Variants in EYS observed in about 807,000 individuals in gnomAD.
EYS encodes the protein EGF-like photoreceptor maintenance factor, also known as protein eyes shut homolog.
EYS carries 250 observed loss-of-function variants against 282.1 expected under a neutral mutation model. That is an observed-to-expected ratio of 0.89 (90% confidence interval 0.80 to 0.98). The LOEUF is 0.98. Ranked by LOEUF, EYS falls within the 50% of genes least tolerant of loss-of-function variation. EYS has a pLI of 0.00. For synonymous variants in EYS, 1,355 were observed against 1,282.9 expected (o/e 1.06, Z -1.20); for missense variants, 4,016 against 3,709.0 (o/e 1.08, Z -2.15).
At chr6:64,353,086 C>A (rs189031137) in intron 29 of EYS, among the ~76,000 whole-genome samples, 30 of 151,590 alleles carry the variant, frequency 2.0e-4, no homozygotes, top group African/African-American at 7.2e-4. Context: ...CCCCTACACA[C>A]ACAAAATAAT....
intron 2 of EYS, among the ~76,000 whole-genome samples, chr6:65,607,232 T>C (rs905372964): frequency 6.6e-6 from 1 of 151,818 alleles, no homozygotes; most frequent in Non-Finnish European, 1.5e-5. Context: ...TCACCCTGGA[T>C]CACATTTTTA....
chr6:64,017,787 G>A (rs776449888), intron 33 of EYS, among the ~76,000 whole-genome samples: 5 of 152,282 alleles, frequency 3.3e-5, no homozygotes, highest in Admixed American at 6.5e-5. Context: ...CAATATGCTC[G>A]TAATGATAGA....
intron 12 of EYS, among the ~76,000 whole-genome samples, chr6:65,271,398 T>G (rs1355903446): frequency 6.6e-6 from 1 of 151,530 alleles, no homozygotes; most frequent in African/African-American, 2.4e-5. Flanking sequence ...TCCAACTTTT[T>G]ATTCTATTCA....
intron 35 of EYS, among the ~76,000 whole-genome samples, chr6:63,955,193 T>C (rs1582026285): frequency 6.6e-6 from 1 of 152,148 alleles, no homozygotes; most frequent in South Asian, 2.1e-4. Context: ...CCTTCCCACC[T>C]CTATACACTC....
chr6:65,241,034 A>T (rs1004095905), intron 12 of EYS, among the ~76,000 whole-genome samples: 2 of 152,104 alleles, frequency 1.3e-5, no homozygotes, highest in South Asian at 2.1e-4. Flanking sequence ...ATATTTTTCT[A>T]ATTATTTCAT....
intron 22 of EYS, among the ~76,000 whole-genome samples, chr6:64,809,858 T>C (rs1446288565): frequency 6.6e-6 from 1 of 152,110 alleles, no homozygotes; most frequent in Non-Finnish European, 1.5e-5. Flanking sequence ...GAACCTCTTA[T>C]TGGGTGCTGT....
rs1774399134 is a variant in EYS, at chr6:64,143,315, G to T, written c.6425-61313C>A. 2.2e-5 allele frequency among the ~76,000 whole-genome samples: 3 copies of T among 137,690 alleles called. No homozygotes were observed. The Admixed American group carries it at 2.3e-4, about 11-fold the overall frequency. The allele number at this position is 137,690 out of a possible 152,430, so 90.3% of individuals were successfully genotyped here. A position where few individuals can be genotyped will look rare whatever the true frequency, so the allele number is the denominator to read the frequency against. ...AAGAGTAAGCACTAACATGGACTAT[G>T]GACTTTGGGTGATGATGTGTAAATG... On this transcript the variant is annotated intron_variant, in intron 31 of 42. Transcript: ENST00000503581.
intron 18 of EYS, among the ~76,000 whole-genome samples, chr6:64,887,519 T>C (rs956435554): frequency 3.7e-4 from 57 of 152,212 alleles, no homozygotes; most frequent in Middle Eastern, 3.4e-3. Context: ...TATCTCTTCA[T>C]AGTTTTTCCT....
intron 36 of EYS, among the ~76,000 whole-genome samples, chr6:63,854,884 A>C (rs1310627856): frequency 1.3e-5 from 2 of 152,204 alleles, no homozygotes; most frequent in African/African-American, 4.8e-5. Context: ...TTATTTACTT[A>C]AAATTCTATA....
intron 31 of EYS, among the ~76,000 whole-genome samples, chr6:64,165,963 C>G (rs74350340): frequency 0.026 from 3,908 of 152,232 alleles, 157 homozygotes; most frequent in African/African-American, 0.089. Context: ...TAAGATCTTT[C>G]CTCCTCCATT....
At chr6:65,374,516 C>T (rs185592135) in intron 8 of EYS, among the ~76,000 whole-genome samples, 78 of 81,744 alleles carry the variant, frequency 9.5e-4, no homozygotes, top group African/African-American at 2.4e-3. Context: ...TTTTTTTTTT[C>T]GTACCCCACT....
chr6:63,729,549 A>T, intron 41 of EYS, among the ~76,000 whole-genome samples: 1 of 147,188 alleles, frequency 6.8e-6, no homozygotes, highest in East Asian at 2.0e-4. Flanking sequence ...TTGCATGTGG[A>T]TGTCCATTTC....
At chr6:64,665,771 T>C (rs1362770943) in intron 22 of EYS, among the ~76,000 whole-genome samples, 1 of 152,212 alleles carries the variant, frequency 6.6e-6, no homozygotes. Flanking sequence ...GAGAAAGCTA[T>C]GCTCTTACTG....
At chr6:65,612,415 T>G (rs189729747) in intron 2 of EYS, among the ~76,000 whole-genome samples, 1 of 151,706 alleles carries the variant, frequency 6.6e-6, no homozygotes, top group African/African-American at 2.4e-5. Flanking sequence ...AAATTTACCA[T>G]GAACTGATTA....
chr6:65,246,992 T>C (rs1767196673), intron 12 of EYS, among the ~76,000 whole-genome samples: 1 of 152,054 alleles, frequency 6.6e-6, no homozygotes, highest in African/African-American at 2.4e-5. Context: ...GTTCTCTCAA[T>C]GCCAGGTCTC....
chr6:64,766,743 A>C (rs1417145563), intron 22 of EYS, among the ~76,000 whole-genome samples: 1 of 143,076 alleles, frequency 7.0e-6, no homozygotes, highest in African/African-American at 2.6e-5. Flanking sequence ...AGATGATTTC[A>C]CAGACAAACT....
At position 65,430,946 on chromosome 6, in the gene EYS, G is replaced by A. The variant is rs537156243; in HGVS notation, c.863-25579C>T. On this transcript the variant is annotated intron_variant, in intron 5 of 42. Transcript: ENST00000503581. ...ACTTGCTGTCCTCAGGTGAGATGCA[G>A]CACATTACCAACCTTGGTGGCCATG... Among the ~76,000 whole-genome samples the A allele has an allele frequency of 2.6e-5, 4 of 152,316 alleles. No homozygotes were observed. In the South Asian group the frequency reaches 8.3e-4, roughly 32 times the overall value.
chr6:65,405,998 T>A (rs1421449699), intron 5 of EYS, among the ~76,000 whole-genome samples: 2 of 152,126 alleles, frequency 1.3e-5, no homozygotes, highest in Admixed American at 1.3e-4. Context: ...ACTGCTAAAC[T>A]GTTTTTCAAA....
At chr6:64,976,150 A>G (rs1770469441) in intron 14 of EYS, among the ~76,000 whole-genome samples, 1 of 152,020 alleles carries the variant, frequency 6.6e-6, no homozygotes, top group Non-Finnish European at 1.5e-5. Context: ...AGAAGCTATC[A>G]AACTTTACAT....
Sources: allele counts gnomAD v4.1 joint callset (sites outside exome capture counted in the v4.1 genomes callset), GRCh38; gene constraint gnomAD v4.1.1; transcripts MANE v1.5; gene names NCBI Gene and HGNC (gene_info 2026-07-23, HGNC 2026-07-21).